Variants in ZFP30 observed in about 807,000 individuals in gnomAD.
ZFP30 encodes ZFP30 zinc finger protein, also known as zinc finger protein 30 homolog.
Under a neutral mutation model 12.3 loss-of-function variants are expected in ZFP30, and 16 were observed. The ratio of observed to expected loss-of-function variants is 1.30; its 90% CI spans 0.88 to 1.98. ZFP30 has a LOEUF of 1.98. ZFP30 is among the 30% of genes most tolerant of loss of function. The pLI is 0.00. For missense variants in ZFP30, 560 were observed against 611.2 expected (o/e 0.92, Z 0.88); for synonymous variants, 172 against 201.0 (o/e 0.86, Z 1.22).
chr19:37,642,394 T>G (rs2044453623), intron 5 of ZFP30, among the ~76,000 whole-genome samples: 1 of 152,242 alleles, frequency 6.6e-6, no homozygotes, highest in Non-Finnish European at 1.5e-5. Flanking sequence ...TCATTATATG[T>G]AATGACGTTC....
intron 5 of ZFP30, among the ~76,000 whole-genome samples, chr19:37,639,797 A>AT (rs920588544): frequency 4.3e-5 from 3 of 69,218 alleles, no homozygotes; most frequent in African/African-American, 8.2e-5. Context: ...GAAGGTTTTC[A>AT]TAAAAAAAAA....
chr19:37,646,643 ACAGCTCACTG>A (rs1405020212), intron 3 of ZFP30, among the ~76,000 whole-genome samples: 1 of 152,182 alleles, frequency 6.6e-6, no homozygotes, highest in Non-Finnish European at 1.5e-5. Context: ...TTTATTGATT[ACAGCTCACTG>A]CAGCCTCGAA....
At chr19:37,642,116 T>C (rs2044447598) in intron 5 of ZFP30, among the ~76,000 whole-genome samples, 1 of 152,234 alleles carries the variant, frequency 6.6e-6, no homozygotes, top group Admixed American at 6.5e-5. Context: ...AATATCTAAA[T>C]CCAATAGTTC....
At chr19:37,652,994 GT>G (rs1257141149) in intron 2 of ZFP30, among the ~76,000 whole-genome samples, 2 of 151,790 alleles carry the variant, frequency 1.3e-5, no homozygotes, top group African/African-American at 4.8e-5. Context: ...GCGGGCACCT[GT>G]AATCCCAGCT....
At chr19:37,647,352 G>A (rs2044563449) in intron 3 of ZFP30, among the ~76,000 whole-genome samples, 1 of 152,166 alleles carries the variant, frequency 6.6e-6, no homozygotes, top group Admixed American at 6.5e-5. Context: ...GAGCCGGTGG[G>A]AGATAATTCA....
At position 37,635,265 on chromosome 19, in the gene ZFP30, T is replaced by A. The variant is rs1045844203; in HGVS notation, c.1276A>T (p.Thr426Ser). The A allele has an allele frequency of 1.2e-6, 2 of 1,614,172 alleles. No homozygotes were observed. Among genetic ancestry groups the A allele is most frequent in the Non-Finnish European group, 1.7e-6 (2 of 1,180,012 alleles). ...GKAFRLFSQLTQHQSIHFGEK... is the reference protein window; with the variant it reads ...GKAFRLFSQLSQHQSIHFGEK... ...CCAAAATGAATACTCTGATGTTGAG[T>A]AAGCTGTGAGAACAGCCTAAATGCC... The change falls in exon 6 of 6, where the codon ACT becomes TCT. Residue 426 changes from threonine (T) to serine (S), a missense_variant. Coordinates refer to ENST00000684514, the MANE Select transcript of ZFP30 (RefSeq NM_001320669.3).
Position 37,631,654 on chromosome 19 carries a change from C to T in ZFP30, c.*3327G>A, listed in dbSNP as rs1366300577. 7.6e-6 allele frequency: 1 copy of T among 131,454 alleles called. No individual in the cohort carries two copies. The highest frequency in any genetic ancestry group is 1.6e-5 in the Non-Finnish European group (1 of 63,004). The allele number at this position is 131,454 out of a possible 1,614,324, so 8.1% of individuals were successfully genotyped here. On this transcript the variant is annotated 3_prime_UTR_variant, in exon 6 of 6. Coordinates refer to ENST00000684514, the MANE Select transcript of ZFP30 (RefSeq NM_001320669.3). ...GTTACACTTTTACATACATAAAATT[C>T]ATTCCATTCTTAATACATAGAAAGC...
chr19:37,641,722 C>T (rs982052800), intron 5 of ZFP30, among the ~76,000 whole-genome samples: 5 of 152,224 alleles, frequency 3.3e-5, no homozygotes, highest in African/African-American at 1.2e-4. Context: ...GTCCACACTT[C>T]CATCTGATAA....
Position 37,643,255 on chromosome 19 carries a change from C to A in ZFP30, c.235+10G>T. Reference sequence around the variant, plus strand: ...CCATAATGGCTGACCTCTGCCTGATCAGCACTTACCTAGAGTCCATCTTCT... The same window carrying A: ...CCATAATGGCTGACCTCTGCCTGATAAGCACTTACCTAGAGTCCATCTTCT... On this transcript the variant is annotated intron_variant, in intron 5 of 5. Transcript: ENST00000684514. 1 of 1,609,110 alleles carries A rather than the reference C, an allele frequency of 6.2e-7. No homozygotes were observed. Among genetic ancestry groups the A allele is most frequent in the South Asian group, 1.1e-5 (1 of 89,718 alleles).
At chr19:37,640,105 C>T (rs1009093667) in intron 5 of ZFP30, among the ~76,000 whole-genome samples, 7 of 152,112 alleles carry the variant, frequency 4.6e-5, no homozygotes, top group African/African-American at 1.7e-4. Context: ...TTTTTGTCAA[C>T]GTAGGCATGG....
chr19:37,646,522 A>T (rs923683731), intron 3 of ZFP30, among the ~76,000 whole-genome samples: 2 of 152,186 alleles, frequency 1.3e-5, no homozygotes, highest in Non-Finnish European at 2.9e-5. Context: ...GCAAAAAAAC[A>T]AGGTAAAACA....
chr19:37,642,821 C>T (rs201706577), intron 5 of ZFP30, among the ~76,000 whole-genome samples: 4 of 151,720 alleles, frequency 2.6e-5, no homozygotes, highest in East Asian at 1.9e-4. Flanking sequence ...TTTGGGAGGC[C>T]GAGGCGGGTG....
rs753589526 is a variant in ZFP30 at position 37,632,560 on chromosome 19, A to G, written c.*2421T>C. 1.3e-5 allele frequency: 2 copies of G among 152,196 alleles called. No homozygotes were observed. The highest frequency in any genetic ancestry group is 2.9e-5 in the Non-Finnish European group (2 of 68,038). 9.4% of individuals were successfully genotyped at this position (152,196 alleles called of 1,614,324 possible). A position where few individuals can be genotyped will look rare whatever the true frequency, so the allele number is the denominator to read the frequency against. Reference sequence around the variant, plus strand: ...GTGAGCTACATATATAAATTTTCCTATAACAATTTTAAAAACAAAAAAGTG... The same window carrying G: ...GTGAGCTACATATATAAATTTTCCTGTAACAATTTTAAAAACAAAAAAGTG... On this transcript the variant is annotated 3_prime_UTR_variant, in exon 6 of 6. Transcript: ENST00000684514.
intron 2 of ZFP30, among the ~76,000 whole-genome samples, chr19:37,650,280 G>A (rs761300421): frequency 1.4e-4 from 22 of 151,946 alleles, no homozygotes; most frequent in Admixed American, 5.2e-4. Context: ...CACCACCCTG[G>A]CTATTTTTTA....
rs749036028 is a variant in ZFP30 at position 37,635,682 on chromosome 19, G to A, written c.859C>T (p.Arg287Ter). 59 of 1,613,968 alleles carry A rather than the reference G, an allele frequency of 3.7e-5. No homozygotes were observed. Among genetic ancestry groups the A allele is most frequent in the African/African-American group, 6.7e-5 (5 of 74,908 alleles). ...TCAGCAATGTTCAGTCTCTGATGTC[G>A]AGTAAGGTGTGCATACTGCCTAAAG... Reference protein sequence around the residue: ...KAFRQYAHLTRHQRLNIAEKC... With the variant: ...KAFRQYAHLT Residue 287 changes from arginine (R) to a stop codon, truncating the protein, a stop_gained, in exon 6 of 6, where the codon CGA becomes TGA. Transcript: ENST00000684514. LOFTEE classifies it low-confidence loss of function (END_TRUNC).
chr19:37,639,133 A>G (rs2044386669), intron 5 of ZFP30, among the ~76,000 whole-genome samples: 2 of 152,096 alleles, frequency 1.3e-5, no homozygotes, highest in African/African-American at 4.8e-5. Flanking sequence ...TCCCCATCCA[A>G]AAAAAGCAAT....
chr19:37,641,389 A>G (rs2147267590), intron 5 of ZFP30, among the ~76,000 whole-genome samples: 1 of 152,290 alleles, frequency 6.6e-6, no homozygotes, highest in African/African-American at 2.4e-5. Flanking sequence ...TATTTTCATC[A>G]TTGCCTCACC....
In ZFP30 at chr19:37,644,596, T is replaced by C. The variant is rs1264752020; in HGVS notation, c.136+14A>G. 6.4e-7 allele frequency: 1 copy of C among 1,572,524 alleles called. No individual in the cohort carries two copies. On this transcript the variant is annotated intron_variant, in intron 4 of 5. Transcript: ENST00000684514. ...GAATGTCTAAATTATCTGACACAGATATGCTAGGCTTACCCAGTGACACCA... is the reference window on the plus strand; with the variant it reads ...GAATGTCTAAATTATCTGACACAGACATGCTAGGCTTACCCAGTGACACCA...
chr19:37,631,361 T>A lies in ZFP30; in HGVS notation c.*3620A>T, dbSNP rs1346222599. On this transcript the variant is annotated 3_prime_UTR_variant, in exon 6 of 6. Transcript: ENST00000684514. ...ATTTTCTTAATTATTAATTTTAATA[T>A]GCTCATTTAACCACAGAATGCTTTC... The A allele has an allele frequency of 6.6e-6, 1 of 152,234 alleles. No homozygotes were observed. Among genetic ancestry groups the A allele is most frequent in the South Asian group, 2.1e-4 (1 of 4,836 alleles). 9.4% of individuals were successfully genotyped at this position (152,234 alleles called of 1,614,324 possible).
Sources: allele counts gnomAD v4.1 joint callset (sites outside exome capture counted in the v4.1 genomes callset), GRCh38; gene constraint gnomAD v4.1.1; transcripts MANE v1.5; gene names NCBI Gene and HGNC (gene_info 2026-07-23, HGNC 2026-07-21).